The following KIF26A variants were observed in gnomAD, a reference collection of about 807,000 sequenced individuals.
KIF26A encodes kinesin family member 26A, also known as kinesin-like protein KIF26A.
A neutral mutation model predicts 126.0 loss-of-function variants in KIF26A; 74 were observed. The observed-to-expected ratio is 0.59, with a 90% CI of 0.49 to 0.71. The LOEUF is 0.71. Among genes scored for constraint, KIF26A ranks in the 30% least tolerant of loss-of-function variants. The pLI, the probability that KIF26A is intolerant of heterozygous loss-of-function variation, is 0.00. For synonymous variants in KIF26A, 1,445 were observed against 1,232.7 expected, an observed-to-expected ratio of 1.17 and a Z score of -3.61; for missense variants, 2,984 against 2,763.3, an observed-to-expected ratio of 1.08 and a Z score of -1.79.
chr14:104,156,715 G>A (rs2037781196), intron 3 of KIF26A, among the ~76,000 whole-genome samples: 6 of 152,294 alleles, frequency 3.9e-5, no homozygotes, highest in Admixed American at 3.3e-4. Flanking sequence ...CCTGGGTCCC[G>A]GGGCGGCTTG....
In KIF26A at chr14:104,177,551, C is replaced by G; in HGVS notation, c.4763C>G (p.Ser1588Ter). The G allele has an allele frequency of 6.5e-7, 1 of 1,537,978 alleles. No homozygotes were observed. Among genetic ancestry groups the G allele is most frequent in the Non-Finnish European group, 8.7e-7 (1 of 1,147,372 alleles). The change falls in exon 12 of 15, where the codon TCA becomes TGA. Residue 1588 changes from serine to a stop codon, truncating the protein, a stop_gained. Coordinates refer to ENST00000423312, the MANE Select transcript of KIF26A (RefSeq NM_015656.2). LOFTEE classifies it high-confidence loss of function. ...GGCTCCTCGTGGGGCTCGGCGGACT[C>G]AGACAGCGGCCATGACAGCGGCGTG... ...RGGSSWGSADSDSGHDSGVNV... is the reference protein window; with the variant it reads ...RGGSSWGSAD
intron 2 of KIF26A, among the ~76,000 whole-genome samples, chr14:104,141,523 C>T (rs1034661857): frequency 1.3e-5 from 2 of 151,914 alleles, no homozygotes; most frequent in Non-Finnish European, 1.5e-5. Context: ...TAGAGGGAGG[C>T]GTAGAGGGTC....
chr14:104,139,466 T>G (rs1024215153), intron 2 of KIF26A, among the ~76,000 whole-genome samples, 178 bp downstream of exon 2: 1 of 152,214 alleles, frequency 6.6e-6, no homozygotes, highest in Admixed American at 6.5e-5. Context: ...ACACCATGTG[T>G]GAGCTAGGGA....
chr14:104,175,383 C>G lies in KIF26A; in HGVS notation c.2595C>G (p.Asp865Glu). 1 of 1,598,286 alleles carries G rather than the reference C, an allele frequency of 6.3e-7. No homozygotes were observed. The highest frequency in any genetic ancestry group is 8.5e-7 in the Non-Finnish European group (1 of 1,177,054). ...EGPSGGPGGTDGAQASPARGG... is the reference protein window; with the variant it reads ...EGPSGGPGGTEGAQASPARGG... Reference sequence around the variant, plus strand: ...CCTCAGGAGGTCCAGGTGGCACCGACGGAGCTCAGGCCAGCCCCGCCCGAG... The same window carrying G: ...CCTCAGGAGGTCCAGGTGGCACCGAGGGAGCTCAGGCCAGCCCCGCCCGAG... Residue 865 changes from aspartate (D) to glutamate (E), a missense_variant, in exon 12 of 15, where the codon GAC (aspartate) becomes GAG (glutamate). Physicochemically the swap from Asp to Glu is conservative, Grantham distance 45. Transcript: ENST00000423312.
chr14:104,169,684 A>T (rs1317892182), intron 5 of KIF26A, among the ~76,000 whole-genome samples: 1 of 152,230 alleles, frequency 6.6e-6, no homozygotes, highest in African/African-American at 2.4e-5. Context: ...AAGATAATTC[A>T]TCACAGTGTG....
At position 104,139,066 on chromosome 14, in the gene KIF26A, C is replaced by T; in HGVS notation, c.66C>T (p.Arg22=). ...AGGTGGCCGAGGGCGGCCCGGCCCG[C>T]GAGCCGCCGCCGCTGCTGGAGGTGT... The part of the protein sequence containing the change: ...QPAVAEGGPA[R]EPPPLLEVSP... Residue 22 remains arginine, a synonymous_variant, in exon 2 of 15, where the codon CGC becomes CGT. Coordinates refer to ENST00000423312, the MANE Select transcript of KIF26A (RefSeq NM_015656.2). 16 of 1,382,928 alleles carry T rather than the reference C, an allele frequency of 1.2e-5. No individual in the cohort carries two copies. The highest frequency in any genetic ancestry group is 3.5e-5 in the South Asian group (2 of 56,746). The allele number at this position is 1,382,928 out of a possible 1,614,324, so 85.7% of individuals were successfully genotyped here.
At chr14:104,141,013 C>T (rs74087172) in intron 2 of KIF26A, among the ~76,000 whole-genome samples, 2,650 of 152,330 alleles carry the variant, frequency 0.017, 68 homozygotes, top group African/African-American at 0.061. Flanking sequence ...ACTGTCTCTC[C>T]ACAGGGCATG....
At chr14:104,143,982 G>T (rs972274500) in intron 2 of KIF26A, among the ~76,000 whole-genome samples, 2 of 152,362 alleles carry the variant, frequency 1.3e-5, no homozygotes, top group Admixed American at 6.5e-5. Flanking sequence ...GGAGCTCCCA[G>T]TTACTGTTGG....
Position 104,171,757 on chromosome 14 carries a change from G to T in KIF26A, c.1148G>T (p.Gly383Val), listed in dbSNP as rs1360704107. 1.9e-6 allele frequency: 3 copies of T among 1,580,436 alleles called. No individual in the cohort carries two copies. The East Asian group carries it at 7.0e-5, about 37-fold the overall frequency. The change falls in exon 6 of 15, where the codon GGG becomes GTG. Residue 383 changes from glycine to valine, a missense_variant. Coordinates refer to ENST00000423312, the MANE Select transcript of KIF26A (RefSeq NM_015656.2). ...ATGCTGCGGATCTGGCCCGCACAGGGGGCCCAGCGCTCGGCCGAGGCCATG... is the reference window on the plus strand; with the variant it reads ...ATGCTGCGGATCTGGCCCGCACAGGTGGCCCAGCGCTCGGCCGAGGCCATG... ...KVMLRIWPAQ[G>V]AQRSAEAMSF...
At chr14:104,150,544 G>A (rs983265607) in intron 2 of KIF26A, among the ~76,000 whole-genome samples, 3 of 152,122 alleles carry the variant, frequency 2.0e-5, no homozygotes, top group Non-Finnish European at 2.9e-5. Flanking sequence ...AGCCTCCAGG[G>A]CATCTGTGGA....
rs1433787381 is a variant in KIF26A, at chr14:104,175,055, C to T, written c.2267C>T (p.Pro756Leu). The T allele has an allele frequency of 5.1e-6, 8 of 1,581,808 alleles. No homozygotes were observed. Among genetic ancestry groups the T allele is most frequent in the African/African-American group, 4.0e-5 (3 of 74,298 alleles). Residue 756 changes from proline (P) to leucine (L), a missense_variant, in exon 12 of 15, where the codon CCC (proline) becomes CTC (leucine). Physicochemically the swap from Pro to Leu is moderately conservative, Grantham distance 98. Coordinates refer to ENST00000423312, the MANE Select transcript of KIF26A (RefSeq NM_015656.2). ...GCCCGTCGGCCCCCGCACCTGCGGC[C>T]CTTCCACCCACGCACTGTGGCCCTG... ...GRARRPPHLR[P>L]FHPRTVALDP...
chr14:104,170,388 C>T (rs1003324355), intron 5 of KIF26A, among the ~76,000 whole-genome samples: 5 of 152,220 alleles, frequency 3.3e-5, no homozygotes, highest in African/African-American at 1.2e-4. Context: ...CCCCGGAGAG[C>T]GGGCACTCCC....
In KIF26A at chr14:104,178,692, C is replaced by G; in HGVS notation, c.5253C>G (p.Tyr1751Ter). The G allele has an allele frequency of 1.3e-6, 2 of 1,563,756 alleles. No individual in the cohort carries two copies. Among genetic ancestry groups the G allele is most frequent in the Non-Finnish European group, 1.7e-6 (2 of 1,154,542 alleles). Reference protein sequence around the residue: ...SLKEPFEIKVYEIDDVERLQR... With the variant: ...SLKEPFEIKV Reference sequence around the variant, plus strand: ...AGGAGCCGTTCGAGATCAAGGTGTACGAGATCGATGACGTGGAGCGCCTTC... The same window carrying G: ...AGGAGCCGTTCGAGATCAAGGTGTAGGAGATCGATGACGTGGAGCGCCTTC... The change falls in exon 13 of 15, where the codon TAC (tyrosine) becomes TAG (stop). Residue 1751 changes from tyrosine to a stop codon, truncating the protein, a stop_gained. Transcript: ENST00000423312. LOFTEE classifies it high-confidence loss of function.
At position 104,176,922 on chromosome 14, in the gene KIF26A, C is replaced by T. The variant is rs1012307496; in HGVS notation, c.4134C>T (p.Ala1378=). The change falls in exon 12 of 15, where the codon GCC becomes GCT. Residue 1378 remains alanine, a synonymous_variant. Transcript: ENST00000423312. ...GCCTGGAGCAGAGGAGCAGCCCGGC[C>T]TCGGCCCCTCCGCATGCTGTGAACC... ...KSSLEQRSSP[A]SAPPHAVNPA... 3.3e-6 allele frequency: 5 copies of T among 1,537,192 alleles called. No homozygotes were observed. The highest frequency in any genetic ancestry group is 3.9e-5 in the Admixed American group (2 of 50,930).
rs1025559756 is a variant in KIF26A, at chr14:104,148,021, C to T, written c.289-3994C>T. ...CTGGGAGCAGGACTCCCCTCGCTGT[C>T]CCAGGGTGGCCTTACCTGGCGGGGA... On this transcript the variant is annotated intron_variant, in intron 2 of 14. Coordinates refer to ENST00000423312, the MANE Select transcript of KIF26A (RefSeq NM_015656.2). This position sits in a 1 kb window ranked among gnomAD's most constrained non-coding sequence, Gnocchi z 4.3. Among the ~76,000 whole-genome samples the T allele has an allele frequency of 6.6e-6, 1 of 152,168 alleles. No homozygotes were observed. Among genetic ancestry groups the T allele is most frequent in the Admixed American group, 6.5e-5 (1 of 15,284 alleles).
At chr14:104,139,337 A>T in intron 2 of KIF26A, 49 bp downstream of exon 2, 1 of 1,385,660 alleles carries the variant, frequency 7.2e-7, no homozygotes, top group South Asian at 1.7e-5. Flanking sequence ...GCCACGCCGA[A>T]CTTGGGTAGA....
At chr14:104,168,121 A>G (rs943103729) in intron 5 of KIF26A, among the ~76,000 whole-genome samples, 30 of 152,020 alleles carry the variant, frequency 2.0e-4, no homozygotes, top group Admixed American at 2.6e-4. Context: ...CTTGACCTTT[A>G]CAGCTCTGTA....
intron 7 of KIF26A, 83 bp from the exon 8 acceptor site, chr14:104,172,894 C>G: frequency 6.9e-7 from 1 of 1,449,004 alleles, no homozygotes; most frequent in Admixed American, 2.6e-5. Flanking sequence ...CTCGGTGCCC[C>G]TGGTTGGCCC....
At chr14:104,169,803 T>C (rs2037940333) in intron 5 of KIF26A, among the ~76,000 whole-genome samples, 1 of 152,168 alleles carries the variant, frequency 6.6e-6, no homozygotes, top group Non-Finnish European at 1.5e-5. Context: ...CAAAATGTGT[T>C]TTTTCTCTCC....
Sources: gnomAD v4.1 joint callset for allele counts (sites outside exome capture counted in the v4.1 genomes callset) on GRCh38, gnomAD v4.1.1 for gene constraint, Gnocchi (gnomAD v3.1) non-coding constraint, MANE v1.5 for transcripts, NCBI Gene and HGNC (gene_info 2026-07-23, HGNC 2026-07-21) for gene names.